The following P4HA2 variants were observed in gnomAD, a reference collection of about 807,000 sequenced individuals.
P4HA2 encodes the protein prolyl 4-hydroxylase subunit alpha-2.
A neutral mutation model predicts 76.9 loss-of-function variants in P4HA2; 46 were observed. That is an observed-to-expected ratio of 0.60 (90% CI 0.47 to 0.76). The LOEUF is 0.76. Ranked by LOEUF, P4HA2 falls within the 30% of genes least tolerant of loss-of-function variation. The probability of loss-of-function intolerance (pLI) is 0.00; values close to 1 mark genes in which losing one functional copy is unlikely to be tolerated. For synonymous variants in P4HA2, 243 were observed against 254.0 expected (o/e 0.96, Z 0.41); for missense variants, 583 against 669.4 (o/e 0.87, Z 1.42).
chr5:132,227,034 A>T (rs922301834), intron 1 of P4HA2: 1 of 152,584 alleles, frequency 6.6e-6, no homozygotes, highest in Non-Finnish European at 1.5e-5. Flanking sequence ...GGAGGCAGTC[A>T]GTGCTCTACC....
At chr5:132,201,832 G>T (rs895006651) in intron 10 of P4HA2, 1 of 152,228 alleles carries the variant, frequency 6.6e-6, no homozygotes, top group Non-Finnish European at 1.5e-5. Context: ...CAGGGATACA[G>T]TGAGTACAGC....
chr5:132,195,522 C>T (rs1298724957), intron 12 of P4HA2, 42 bp from the exon 13 acceptor site: 1 of 1,469,948 alleles, frequency 6.8e-7, no homozygotes, highest in African/African-American at 1.4e-5. Flanking sequence ...CTACCCAAGG[C>T]TCTCAGAGCA....
intron 8 of P4HA2, among the ~76,000 whole-genome samples, chr5:132,204,832 C>G (rs1218136492): frequency 6.6e-6 from 1 of 152,236 alleles, no homozygotes; most frequent in African/African-American, 2.4e-5. Flanking sequence ...CAGGTACACA[C>G]TACACATGCA....
chr5:132,212,014 C>G (rs899322058), intron 5 of P4HA2, among the ~76,000 whole-genome samples: 1 of 152,182 alleles, frequency 6.6e-6, no homozygotes, highest in Admixed American at 6.5e-5. Flanking sequence ...CCAGAGCCAA[C>G]TCGAATGTCT....
intron 5 of P4HA2, among the ~76,000 whole-genome samples, chr5:132,213,102 T>C (rs1753315024): frequency 6.6e-6 from 1 of 152,120 alleles, no homozygotes; most frequent in Non-Finnish European, 1.5e-5. Context: ...CCAGAGAGGC[T>C]AAAAGAGAAG....
chr5:132,217,093 C>T (rs922105730), intron 4 of P4HA2, 104 bp downstream of exon 4: 1 of 1,080,072 alleles, frequency 9.3e-7, no homozygotes, highest in African/African-American at 1.6e-5. Flanking sequence ...CCACAATGTA[C>T]TTGCCCACCA....
chr5:132,191,868 T>C lies in P4HA2; in HGVS notation c.*1142A>G, dbSNP rs199884983. On this transcript the variant is annotated 3_prime_UTR_variant, in exon 15 of 15. Coordinates refer to ENST00000360568, the MANE Select transcript of P4HA2 (RefSeq NM_001017974.2). ...TCAATTCCAGTGTTTATCAGCAGCA[T>C]GCTGCCTGTATTATGGTACAGTCCT... is the stretch of plus-strand genomic sequence containing the variant. 7 of 152,234 alleles carry C rather than the reference T, an allele frequency of 4.6e-5. No individual in the cohort carries two copies. The highest frequency in any genetic ancestry group is 7.3e-5 in the Non-Finnish European group (5 of 68,044). The allele number at this position is 152,234 out of a possible 1,614,324, so 9.4% of individuals were successfully genotyped here. A position where few individuals can be genotyped will look rare whatever the true frequency, so the allele number is the denominator to read the frequency against.
chr5:132,211,650 C>T (rs1383083348), intron 5 of P4HA2, among the ~76,000 whole-genome samples: 1 of 152,166 alleles, frequency 6.6e-6, no homozygotes, highest in East Asian at 1.9e-4. Flanking sequence ...TTTTCCTTCT[C>T]CACAGGTCTC....
chr5:132,225,147 G>C (rs1245402847), intron 1 of P4HA2, among the ~76,000 whole-genome samples: 1 of 151,798 alleles, frequency 6.6e-6, no homozygotes. Flanking sequence ...CTTTGCTCTA[G>C]GACAGGCTGA....
chr5:132,208,030 G>A (rs947538338), intron 7 of P4HA2, 146 bp from the exon 8 acceptor site: 4 of 617,160 alleles, frequency 6.5e-6, no homozygotes, highest in Non-Finnish European at 8.3e-6. Context: ...GTCCCAGCAG[G>A]TGGGCATGCA....
chr5:132,198,448 CA>C (rs1751014034), intron 11 of P4HA2, 68 bp from the exon 12 acceptor site: 16 of 1,418,256 alleles, frequency 1.1e-5, no homozygotes, highest in Non-Finnish European at 1.5e-5. Flanking sequence ...AGACTAGGAC[CA>C]AAAGGGTCAG....
chr5:132,217,915 G>A (rs752124425), intron 2 of P4HA2, 67 bp from the exon 3 acceptor site: 2 of 915,718 alleles, frequency 2.2e-6, no homozygotes, highest in South Asian at 1.5e-5. Flanking sequence ...CTTCCTTGGG[G>A]CACAGAATAC....
At chr5:132,199,963 G>A (rs547341869) in intron 10 of P4HA2, 1 of 152,438 alleles carries the variant, frequency 6.6e-6, no homozygotes, top group South Asian at 2.1e-4. Flanking sequence ...CACTTTGGGA[G>A]GCTGAAGTGA....
intron 11 of P4HA2, among the ~76,000 whole-genome samples, chr5:132,198,623 G>A: frequency 6.6e-6 from 1 of 152,210 alleles, no homozygotes; most frequent in Non-Finnish European, 1.5e-5. Flanking sequence ...CAGGGCAAAG[G>A]GTGACAGAAT....
At chr5:132,219,193 G>A (rs1035925492) in intron 1 of P4HA2, among the ~76,000 whole-genome samples, 2 of 152,168 alleles carry the variant, frequency 1.3e-5, no homozygotes, top group Admixed American at 6.5e-5. Context: ...GCCAGAAGAG[G>A]AATAAAACTA....
Position 132,191,511 on chromosome 5 carries a change from CAA to C in P4HA2, c.*1497_*1498del, listed in dbSNP as rs76741539. On this transcript the variant is annotated 3_prime_UTR_variant, in exon 15 of 15. Transcript: ENST00000360568. ...TGGGCGACAGAGCGAGACTCCGTCTCAAAAAAAAAAAAAAAAAAAAAGATTTC... is the reference window on the plus strand; with the variant it reads ...TGGGCGACAGAGCGAGACTCCGTCTCAAAAAAAAAAAAAAAAAAAGATTTC... Among the ~76,000 whole-genome samples, 13 of 49,114 alleles carry C rather than the reference CAA, an allele frequency of 2.6e-4. No homozygotes were observed. The highest frequency in any genetic ancestry group is 5.9e-4 in the African/African-American group (9 of 15,230). 32.2% of individuals were successfully genotyped at this position (49,114 alleles called of 152,430 possible).
At chr5:132,219,052 G>T (rs1754296111) in intron 1 of P4HA2, among the ~76,000 whole-genome samples, 1 of 152,228 alleles carries the variant, frequency 6.6e-6, no homozygotes, top group African/African-American at 2.4e-5. Context: ...CCAGGACAGT[G>T]CCAGGTTTTG....
chr5:132,222,442 C>T (rs553950505), intron 1 of P4HA2, among the ~76,000 whole-genome samples: 2 of 152,300 alleles, frequency 1.3e-5, no homozygotes, highest in South Asian at 2.1e-4. Flanking sequence ...CCCTAACTTC[C>T]CCTACAGGCA....
At chr5:132,214,454 T>C (rs1258417411) in intron 4 of P4HA2, among the ~76,000 whole-genome samples, 2 of 151,354 alleles carry the variant, frequency 1.3e-5, no homozygotes, top group Non-Finnish European at 2.9e-5. Context: ...CAGTGGAAAA[T>C]AAATCCCATG....
Sources: gnomAD v4.1 joint callset for allele counts (sites outside exome capture counted in the v4.1 genomes callset) on GRCh38, gnomAD v4.1.1 for gene constraint, MANE v1.5 for transcripts, NCBI Gene and HGNC (gene_info 2026-07-23, HGNC 2026-07-21) for gene names.